Variants in KCNJ6 observed in about 807,000 individuals in gnomAD.
KCNJ6 encodes the protein potassium inwardly rectifying channel subfamily J member 6.
Under a neutral mutation model 34.2 loss-of-function variants are expected in KCNJ6, and 9 were observed. The observed-to-expected ratio is 0.26, with a 90% CI of 0.16 to 0.46. The LOEUF (loss-of-function observed/expected upper bound fraction) is 0.46, where lower values mean the gene tolerates loss of function less well. KCNJ6 is among the 20% of genes least tolerant of loss of function. The probability of loss-of-function intolerance (pLI) is 1.00; values close to 1 mark genes in which losing one functional copy is unlikely to be tolerated. For missense variants in KCNJ6, 236 were observed against 531.3 expected (o/e 0.44, Z 5.46); for synonymous variants, 196 against 207.1 (o/e 0.95, Z 0.46).
chr21:37,860,529 T>G (rs2055589435), intron 1 of KCNJ6, among the ~76,000 whole-genome samples: 1 of 152,320 alleles, frequency 6.6e-6, no homozygotes, highest in South Asian at 2.1e-4. Flanking sequence ...TAAAACCCTT[T>G]CCAGCACACT....
rs936964449 is a variant in KCNJ6, at chr21:37,623,151, G to A, written c.*2008C>T. The A allele has an allele frequency of 6.6e-6, 1 of 152,246 alleles. No homozygotes were observed. The highest frequency in any genetic ancestry group is 2.4e-5 in the African/African-American group (1 of 41,468). 9.4% of individuals were successfully genotyped at this position (152,246 alleles called of 1,614,324 possible). A position where few individuals can be genotyped will look rare whatever the true frequency, so the allele number is the denominator to read the frequency against. ...GGAAAGGGCTATAGCCAACAGTTTTGTTTTCCTTAAAGTCAGTGCCAAGAG... is the reference window on the plus strand; with the variant it reads ...GGAAAGGGCTATAGCCAACAGTTTTATTTTCCTTAAAGTCAGTGCCAAGAG... On this transcript the variant is annotated 3_prime_UTR_variant, in exon 4 of 4. Transcript: ENST00000609713.
chr21:37,856,327 C>G (rs956965886), intron 1 of KCNJ6, among the ~76,000 whole-genome samples: 1 of 152,220 alleles, frequency 6.6e-6, no homozygotes, highest in Non-Finnish European at 1.5e-5. Context: ...ATTTTCATTT[C>G]CTTCTTAGCT....
At chr21:37,900,797 G>A (rs914163038) in intron 1 of KCNJ6, among the ~76,000 whole-genome samples, 7 of 152,166 alleles carry the variant, frequency 4.6e-5, no homozygotes, top group Non-Finnish European at 2.9e-5. Flanking sequence ...AGCAAGGTGC[G>A]TGAAGAGCAG....
At chr21:37,814,290 G>A (rs1322965012) in intron 2 of KCNJ6, among the ~76,000 whole-genome samples, 1 of 152,178 alleles carries the variant, frequency 6.6e-6, no homozygotes, top group Admixed American at 6.5e-5. Context: ...AAAGACAGGC[G>A]AGGATGTGAA....
Position 37,859,522 on chromosome 21 carries a change from T to A in KCNJ6, c.-27-18813A>T, listed in dbSNP as rs867316057. On this transcript the variant is annotated intron_variant, in intron 1 of 3. Coordinates refer to ENST00000609713, the MANE Select transcript of KCNJ6 (RefSeq NM_002240.5). ...ATATATATATATATATATATATATA[T>A]ATATATATAAAATACTTAAAAAGCT... 2.2e-3 allele frequency among the ~76,000 whole-genome samples: 174 copies of A among 79,888 alleles called. 4 individuals are homozygous for A. The highest frequency in any genetic ancestry group is 8.0e-3 in the African/African-American group (159 of 19,842). 52.4% of individuals were successfully genotyped at this position (79,888 alleles called of 152,430 possible).
rs113910093 is a variant in KCNJ6, at chr21:37,786,053, G to C, written c.25+54605C>G. ...CCCCCAGTCTAAAATATTTTGTTATGGCAGCCTGATTGGGCAAAGGCCTGA... is the reference window on the plus strand; with the variant it reads ...CCCCCAGTCTAAAATATTTTGTTATCGCAGCCTGATTGGGCAAAGGCCTGA... On this transcript the variant is annotated intron_variant, in intron 2 of 3. Coordinates refer to ENST00000609713, the MANE Select transcript of KCNJ6 (RefSeq NM_002240.5). Among the ~76,000 whole-genome samples, 23 of 152,318 alleles carry C rather than the reference G, an allele frequency of 1.5e-4. 1 individual carries two copies. Among genetic ancestry groups the C allele is most frequent in the African/African-American group, 5.5e-4 (23 of 41,562 alleles).
At chr21:37,729,036 C>T (rs1201509249) in intron 2 of KCNJ6, among the ~76,000 whole-genome samples, 1 of 152,042 alleles carries the variant, frequency 6.6e-6, no homozygotes, top group Non-Finnish European at 1.5e-5. Flanking sequence ...TCCAGACAGA[C>T]CAGAAAGTTT....
chr21:37,803,735 G>C (rs1352693098), intron 2 of KCNJ6, among the ~76,000 whole-genome samples: 1 of 152,098 alleles, frequency 6.6e-6, no homozygotes, highest in Non-Finnish European at 1.5e-5. Context: ...AAATTAAAAT[G>C]AACACACGAC....
intron 1 of KCNJ6, among the ~76,000 whole-genome samples, chr21:37,856,147 AAACATC>A (rs1272592349): frequency 1.3e-5 from 2 of 152,222 alleles, no homozygotes; most frequent in African/African-American, 4.8e-5. Flanking sequence ...GAAGAGGTCC[AAACATC>A]ATTTCCGGAA....
At chr21:37,891,191 C>G (rs1299125204) in intron 1 of KCNJ6, among the ~76,000 whole-genome samples, 1 of 152,104 alleles carries the variant, frequency 6.6e-6, no homozygotes, top group African/African-American at 2.4e-5. Context: ...CAGCTGTGTG[C>G]TGGATGGATG....
intron 2 of KCNJ6, among the ~76,000 whole-genome samples, chr21:37,756,146 C>T (rs1046098730): frequency 7.9e-5 from 12 of 152,198 alleles, no homozygotes; most frequent in African/African-American, 2.9e-4. Context: ...GATTTCCCTG[C>T]CCGCCAAGCT....
At chr21:37,788,188 A>G (rs1485059345) in intron 2 of KCNJ6, among the ~76,000 whole-genome samples, 1 of 152,196 alleles carries the variant, frequency 6.6e-6, no homozygotes, top group Non-Finnish European at 1.5e-5. Flanking sequence ...CATTACTTTT[A>G]GACAAATTAT....
At chr21:37,690,336 A>G (rs1280444576) in intron 3 of KCNJ6, among the ~76,000 whole-genome samples, 2 of 152,240 alleles carry the variant, frequency 1.3e-5, no homozygotes, top group Non-Finnish European at 2.9e-5. Context: ...GGACTTGTCA[A>G]TGATACATAA....
intron 2 of KCNJ6, among the ~76,000 whole-genome samples, chr21:37,759,754 C>T (rs1488353771): frequency 9.2e-5 from 14 of 152,204 alleles, no homozygotes; most frequent in Non-Finnish European, 1.8e-4. Flanking sequence ...AAAATATGTT[C>T]TTAATTCTTA....
chr21:37,841,472 C>T (rs981577064), intron 1 of KCNJ6, among the ~76,000 whole-genome samples: 1 of 152,068 alleles, frequency 6.6e-6, no homozygotes, highest in African/African-American at 2.4e-5. Context: ...TTTTTTGTAG[C>T]CTTGTTTTTC....
chr21:37,834,612 T>TA (rs1463533079), intron 2 of KCNJ6, among the ~76,000 whole-genome samples: 1 of 152,008 alleles, frequency 6.6e-6, no homozygotes, highest in Non-Finnish European at 1.5e-5. Flanking sequence ...AACCACCCCA[T>TA]AAAAAAGGGA....
At chr21:37,821,114 C>A (rs934848462) in intron 2 of KCNJ6, among the ~76,000 whole-genome samples, 2 of 152,186 alleles carry the variant, frequency 1.3e-5, no homozygotes, top group African/African-American at 2.4e-5. Context: ...AATATTATCA[C>A]AACCACTGTT....
chr21:37,685,174 T>C (rs1448898216), intron 3 of KCNJ6, among the ~76,000 whole-genome samples: 3 of 152,076 alleles, frequency 2.0e-5, no homozygotes, highest in African/African-American at 7.2e-5. Flanking sequence ...AACTACATGC[T>C]AGAAAACACG....
intron 1 of KCNJ6, among the ~76,000 whole-genome samples, chr21:37,912,339 A>G (rs2055870837): frequency 6.6e-6 from 1 of 152,228 alleles, no homozygotes. Context: ...TAGTTCGGTG[A>G]ATAAGCACTG....
Sources: allele counts gnomAD v4.1 joint callset (sites outside exome capture counted in the v4.1 genomes callset), GRCh38; gene constraint gnomAD v4.1.1; transcripts MANE v1.5; gene names NCBI Gene and HGNC (gene_info 2026-07-23, HGNC 2026-07-21).